Variants in RAPGEF6 observed in about 807,000 individuals in gnomAD.
The protein encoded by RAPGEF6 is PDZ domain containing guanine nucleotide exchange factor (GEF) 2.
A neutral mutation model predicts 171.4 loss-of-function variants in RAPGEF6; 56 were observed. That is an observed-to-expected ratio of 0.33 (90% CI 0.26 to 0.41). The LOEUF (loss-of-function observed/expected upper bound fraction) is 0.41, where lower values mean the gene tolerates loss of function less well. RAPGEF6 is among the 10% of genes least tolerant of loss of function. The probability of loss-of-function intolerance (pLI) is 1.00; values close to 1 mark genes in which losing one functional copy is unlikely to be tolerated. For synonymous variants in RAPGEF6, 692 were observed against 650.1 expected, an observed-to-expected ratio of 1.06 and a Z score of -0.98; for missense variants, 1,674 against 1,921.4, an observed-to-expected ratio of 0.87 and a Z score of 2.41.
intron 3 of RAPGEF6, among the ~76,000 whole-genome samples, chr5:131,601,502 G>T (rs928312537): frequency 6.6e-6 from 1 of 151,742 alleles, no homozygotes; most frequent in Non-Finnish European, 1.5e-5. Flanking sequence ...CAACAGAAAT[G>T]ATAAAGACAA....
intron 5 of RAPGEF6, among the ~76,000 whole-genome samples, chr5:131,558,355 C>A (rs529110234): frequency 1.3e-5 from 2 of 151,928 alleles, no homozygotes; most frequent in African/African-American, 4.8e-5. Flanking sequence ...CTTCCTGATA[C>A]TGATTGTATG....
At chr5:131,466,200 T>A (rs1210388812) in intron 17 of RAPGEF6, among the ~76,000 whole-genome samples, 1 of 151,776 alleles carries the variant, frequency 6.6e-6, no homozygotes, top group Non-Finnish European at 1.5e-5. Flanking sequence ...ATATGTTGAA[T>A]GTTCTGGGTC....
At chr5:131,429,738 C>T (rs370250165) in intron 26 of RAPGEF6, among the ~76,000 whole-genome samples, 47 of 152,138 alleles carry the variant, frequency 3.1e-4, no homozygotes, top group African/African-American at 1.0e-3. Flanking sequence ...TTTGCTGGTA[C>T]GGAGGAACTA....
intron 21 of RAPGEF6, among the ~76,000 whole-genome samples, chr5:131,450,276 T>C (rs1236206270): frequency 6.6e-6 from 1 of 152,208 alleles, no homozygotes; most frequent in Non-Finnish European, 1.5e-5. Flanking sequence ...AAATATGCTT[T>C]AGACCAATTA....
At chr5:131,578,141 C>T (rs1580610509) in intron 4 of RAPGEF6, among the ~76,000 whole-genome samples, 1 of 152,180 alleles carries the variant, frequency 6.6e-6, no homozygotes, top group East Asian at 1.9e-4. Context: ...GATAGAAGAT[C>T]TTCAGTGGCA....
chr5:131,464,351 G>T (rs776772889), intron 17 of RAPGEF6, 70 bp from the exon 18 acceptor site: 2 of 1,117,330 alleles, frequency 1.8e-6, no homozygotes, highest in Middle Eastern at 2.6e-4. Flanking sequence ...AAAAAGCAAC[G>T]TGAAACACAG....
intron 21 of RAPGEF6, among the ~76,000 whole-genome samples, chr5:131,448,284 A>T (rs1332735483): frequency 6.6e-6 from 1 of 152,166 alleles, no homozygotes; most frequent in East Asian, 1.9e-4. Flanking sequence ...TTTTAGGAAA[A>T]CCTAAACCAA....
At chr5:131,437,514 T>C (rs1400399032) in intron 24 of RAPGEF6, among the ~76,000 whole-genome samples, 2 of 152,162 alleles carry the variant, frequency 1.3e-5, no homozygotes, top group African/African-American at 4.8e-5. Context: ...ACCATCTGTC[T>C]GACTGGAGGC....
chr5:131,446,454 G>A, intron 22 of RAPGEF6, 29 bp downstream of exon 22: 5 of 1,572,174 alleles, frequency 3.2e-6, no homozygotes, highest in Non-Finnish European at 4.3e-6. Context: ...GTGCTCTTTA[G>A]CGTCACATAA....
chr5:131,509,128 T>C (rs1048991002), intron 8 of RAPGEF6, among the ~76,000 whole-genome samples: 1 of 152,214 alleles, frequency 6.6e-6, no homozygotes, highest in African/African-American at 2.4e-5. Flanking sequence ...AATATATGTT[T>C]GACACTAAGT....
At chr5:131,614,957 C>A (rs551529866) in intron 1 of RAPGEF6, among the ~76,000 whole-genome samples, 1 of 152,282 alleles carries the variant, frequency 6.6e-6, no homozygotes, top group East Asian at 1.9e-4. Flanking sequence ...AGATCCTGAA[C>A]CAGCACAATC....
At chr5:131,500,317 C>T (rs889259024) in intron 11 of RAPGEF6, among the ~76,000 whole-genome samples, 2 of 152,172 alleles carry the variant, frequency 1.3e-5, no homozygotes, top group African/African-American at 2.4e-5. Flanking sequence ...CCAAAACATT[C>T]TAAGCCTAAG....
intron 22 of RAPGEF6, among the ~76,000 whole-genome samples, chr5:131,442,811 G>A (rs186516633): frequency 3.0e-4 from 45 of 152,216 alleles, no homozygotes; most frequent in African/African-American, 9.4e-4. Context: ...TTTTTGAGAT[G>A]AAGTTTCGCT....
chr5:131,468,778 T>C (rs192920245), intron 17 of RAPGEF6, among the ~76,000 whole-genome samples: 403 of 152,134 alleles, frequency 2.6e-3, no homozygotes, highest in African/African-American at 8.9e-3. Flanking sequence ...AGACAAGACA[T>C]TGAGTAAGGA....
At chr5:131,601,278 G>C (rs183896367) in intron 3 of RAPGEF6, among the ~76,000 whole-genome samples, 181 of 151,580 alleles carry the variant, frequency 1.2e-3, no homozygotes, top group African/African-American at 4.3e-3. Flanking sequence ...CCAGCTACTC[G>C]GGAGGCTGAA....
intron 3 of RAPGEF6, among the ~76,000 whole-genome samples, chr5:131,597,479 A>G (rs1763969599): frequency 6.6e-6 from 1 of 152,210 alleles, no homozygotes; most frequent in Admixed American, 6.5e-5. Flanking sequence ...GAACAGATAA[A>G]GAAAATGGGG....
rs1277788298 is a variant in RAPGEF6, at chr5:131,455,910, T to C, written c.2967A>G (p.Pro989=). 2 of 1,613,930 alleles carry C rather than the reference T, an allele frequency of 1.2e-6. No homozygotes were observed. The highest frequency in any genetic ancestry group is 2.7e-5 in the African/African-American group (2 of 74,948). Residue 989 remains proline, a synonymous_variant, in exon 20 of 28, where the codon CCA becomes CCG. Coordinates refer to ENST00000509018, the MANE Select transcript of RAPGEF6 (RefSeq NM_016340.6). ...HLQDLQDIFD[P]SRNMAKYRNI... ...TTCTATACTTTGCCATGTTTCTAGATGGATCAAAAATGTCTTGTAGATCTT... is the reference window on the plus strand; with the variant it reads ...TTCTATACTTTGCCATGTTTCTAGACGGATCAAAAATGTCTTGTAGATCTT...
chr5:131,515,657 G>C (rs1271662921), intron 7 of RAPGEF6, among the ~76,000 whole-genome samples: 1 of 152,198 alleles, frequency 6.6e-6, no homozygotes, highest in Non-Finnish European at 1.5e-5. Flanking sequence ...AAAAACTGCT[G>C]AGGGATTCCA....
intron 4 of RAPGEF6, among the ~76,000 whole-genome samples, chr5:131,582,735 C>A (rs540342027): frequency 9.2e-5 from 14 of 152,184 alleles, no homozygotes; most frequent in Admixed American, 7.8e-4. Flanking sequence ...ACTTTTGAAG[C>A]ACATACAGAA....
Sources: gnomAD v4.1 joint callset for allele counts (sites outside exome capture counted in the v4.1 genomes callset) on GRCh38, gnomAD v4.1.1 for gene constraint, MANE v1.5 for transcripts, NCBI Gene and HGNC (gene_info 2026-07-23, HGNC 2026-07-21) for gene names.